Variants in SEMA4D observed in about 807,000 individuals in gnomAD.
The protein encoded by SEMA4D is semaphorin-4D.
Under a neutral mutation model 74.8 loss-of-function variants are expected in SEMA4D, and 22 were observed. The ratio of observed to expected loss-of-function variants is 0.29; its 90% confidence interval spans 0.21 to 0.42. The LOEUF is 0.42. Ranked by LOEUF, SEMA4D falls within the 10% of genes least tolerant of loss-of-function variation. The probability of loss-of-function intolerance (pLI) is 1.00; values close to 1 mark genes in which losing one functional copy is unlikely to be tolerated. For missense variants in SEMA4D, 937 were observed against 1,118.4 expected (o/e 0.84, Z 2.31); for synonymous variants, 445 against 463.7 (o/e 0.96, Z 0.52).
rs1240307641 is a variant in SEMA4D at position 89,391,424 on chromosome 9, A to G, written c.623-9T>C. 1.2e-6 allele frequency: 2 copies of G among 1,614,186 alleles called. No individual in the cohort carries two copies. The highest frequency in any genetic ancestry group is 1.7e-6 in the Non-Finnish European group (2 of 1,180,024). On this transcript the variant is annotated splice_polypyrimidine_tract_variant and intron_variant, in intron 8 of 15. Transcript: ENST00000422704. ...AAACACGAAACTAGGCTCTGCAGAG[A>G]GAGGACAGTGATTATCCCAGAACAC... is the stretch of plus-strand genomic sequence containing the variant.
At chr9:89,385,054 C>A (rs965591262) in intron 13 of SEMA4D, 1 of 985,042 alleles carries the variant, frequency 1.0e-6, no homozygotes, top group East Asian at 1.1e-4. Context: ...CCCACTGGCT[C>A]CTCCTCCTGG....
chr9:89,399,956 C>G (rs1841812019), intron 4 of SEMA4D, among the ~76,000 whole-genome samples: 1 of 141,548 alleles, frequency 7.1e-6, no homozygotes, highest in Non-Finnish European at 1.5e-5. Context: ...CGAGATCGCA[C>G]CACTGCACTC....
Position 89,404,324 on chromosome 9 carries a change from G to A in SEMA4D, c.106+1027C>T, listed in dbSNP as rs1030051564. On this transcript the variant is annotated intron_variant, in intron 3 of 15. Coordinates refer to ENST00000422704, the MANE Select transcript of SEMA4D (RefSeq NM_001371194.2). ...GCACGCCGCGAACATTACTAGGTAC[G>A]AGGGAGGGAAGCTTCCTGTCAGGGG... Among the ~76,000 whole-genome samples the A allele has an allele frequency of 5.3e-5, 8 of 152,194 alleles. No individual in the cohort carries two copies. The East Asian group carries it at 9.6e-4, about 18-fold the overall frequency.
intron 2 of SEMA4D, among the ~76,000 whole-genome samples, chr9:89,416,039 A>G (rs1288083692): frequency 1.3e-5 from 2 of 152,224 alleles, no homozygotes; most frequent in South Asian, 2.1e-4. Flanking sequence ...AAACTGTCCT[A>G]CCTTCAAAAA....
At chr9:89,430,783 G>A (rs1849109764) in intron 2 of SEMA4D, among the ~76,000 whole-genome samples, 1 of 152,180 alleles carries the variant, frequency 6.6e-6, no homozygotes, top group Non-Finnish European at 1.5e-5. Flanking sequence ...TCAAGATCAG[G>A]ATGGCCTACA....
chr9:89,483,561 T>G (rs1365194776), intron 1 of SEMA4D, among the ~76,000 whole-genome samples: 1 of 152,202 alleles, frequency 6.6e-6, no homozygotes, highest in African/African-American at 2.4e-5. Flanking sequence ...ATTTTTACAT[T>G]TCCATGCAGT....
rs9410487 is a variant in SEMA4D at position 89,454,815 on chromosome 9, T to A, written c.-244+1073A>T. Among the ~76,000 whole-genome samples, 7 of 152,312 alleles carry A rather than the reference T, an allele frequency of 4.6e-5. No homozygotes were observed. The South Asian group carries it at 1.4e-3, about 32-fold the overall frequency. On this transcript the variant is annotated intron_variant, in intron 2 of 15. Transcript: ENST00000422704. The stretch of plus-strand genomic sequence containing the variant: ...TCGGGGTGGCGAAGAGACACAGCCA[T>A]GCCACAGCACTCCCAGCCCCCAGCT...
chr9:89,442,102 T>C (rs1374524306), intron 2 of SEMA4D, among the ~76,000 whole-genome samples: 1 of 146,502 alleles, frequency 6.8e-6, no homozygotes, highest in African/African-American at 2.5e-5. Context: ...CTCCCCATCA[T>C]CAGCACCCAG....
chr9:89,390,151 A>G (rs532272601), intron 9 of SEMA4D, among the ~76,000 whole-genome samples: 1 of 152,318 alleles, frequency 6.6e-6, no homozygotes, highest in Admixed American at 6.5e-5. Context: ...AGGTCAAGGC[A>G]AGTCTGATCC....
chr9:89,460,086 G>C (rs1267009525), intron 1 of SEMA4D, among the ~76,000 whole-genome samples: 2 of 152,126 alleles, frequency 1.3e-5, no homozygotes, highest in Non-Finnish European at 2.9e-5. Context: ...CGCCTGCTCT[G>C]TGCCTCTTGA....
At chr9:89,494,851 C>G (rs897244152) in intron 1 of SEMA4D, among the ~76,000 whole-genome samples, 3 of 152,150 alleles carry the variant, frequency 2.0e-5, no homozygotes, top group Non-Finnish European at 2.9e-5. Flanking sequence ...CACTCAGTAT[C>G]TATTGCTAAA....
intron 2 of SEMA4D, chr9:89,418,842 C>A (rs917381624): frequency 6.6e-6 from 1 of 152,252 alleles, no homozygotes; most frequent in Non-Finnish European, 1.5e-5. Context: ...ATTGTTAAAC[C>A]TTGGAATCAG....
intron 2 of SEMA4D, among the ~76,000 whole-genome samples, chr9:89,443,770 G>A (rs2135201156): frequency 6.6e-6 from 1 of 152,340 alleles, no homozygotes; most frequent in Middle Eastern, 3.4e-3. Flanking sequence ...GTGGGTAACT[G>A]CAGGCCCTGA....
chr9:89,487,060 C>T (rs1825252302), intron 1 of SEMA4D, among the ~76,000 whole-genome samples: 1 of 151,552 alleles, frequency 6.6e-6, no homozygotes, highest in African/African-American at 2.4e-5. Context: ...AAATACAGTA[C>T]CAGAAAAGAA....
chr9:89,431,048 G>A (rs964725880), intron 2 of SEMA4D, among the ~76,000 whole-genome samples: 1 of 152,228 alleles, frequency 6.6e-6, no homozygotes, highest in Non-Finnish European at 1.5e-5. Context: ...ATTATAGCAT[G>A]CTATGCCGGC....
chr9:89,432,876 A>G (rs539840379), intron 2 of SEMA4D, among the ~76,000 whole-genome samples: 1 of 152,332 alleles, frequency 6.6e-6, no homozygotes, highest in East Asian at 1.9e-4. Flanking sequence ...CTGGGTATGT[A>G]CACAAAGAAG....
intron 8 of SEMA4D, 100 bp downstream of exon 8, chr9:89,392,323 C>T (rs1408907093): frequency 6.8e-6 from 6 of 877,416 alleles, no homozygotes; most frequent in South Asian, 3.1e-5. Flanking sequence ...AACACAAGCT[C>T]GGGGGCCCCC....
intron 9 of SEMA4D, among the ~76,000 whole-genome samples, chr9:89,390,510 C>A (rs961847400): frequency 1.3e-5 from 2 of 152,220 alleles, no homozygotes; most frequent in African/African-American, 4.8e-5. Flanking sequence ...GGAACGGTGT[C>A]AAAGGCACCC....
rs1309808476 is a variant in SEMA4D, at chr9:89,391,166, G to T, written c.774+98C>A. On this transcript the variant is annotated intron_variant, in intron 9 of 15. Transcript: ENST00000422704. Reference sequence around the variant, plus strand: ...AGGCCCAAGGGAATAAAGTGCTAGGGAAAGTGACATTTGAGACGAAGGTCA... The same window carrying T: ...AGGCCCAAGGGAATAAAGTGCTAGGTAAAGTGACATTTGAGACGAAGGTCA... The T allele has an allele frequency of 1.1e-5, 13 of 1,205,728 alleles. 1 individual carries two copies. In the East Asian group the frequency reaches 3.0e-4, roughly 28 times the overall value. 74.7% of individuals were successfully genotyped at this position (1,205,728 alleles called of 1,614,324 possible).
Sources: allele counts gnomAD v4.1 joint callset (sites outside exome capture counted in the v4.1 genomes callset), GRCh38; gene constraint gnomAD v4.1.1; transcripts MANE v1.5; gene names NCBI Gene and HGNC (gene_info 2026-07-23, HGNC 2026-07-21).